Variants in HDAC4 observed in about 807,000 individuals in gnomAD.
The protein encoded by HDAC4 is histone deacetylase A.
Under a neutral mutation model 135.1 loss-of-function variants are expected in HDAC4, and 16 were observed. The ratio of observed to expected loss-of-function variants is 0.12; its 90% confidence interval spans 0.08 to 0.18. The LOEUF is 0.18. HDAC4 is among the 10% of genes least tolerant of loss of function. HDAC4 has a pLI of 1.00. For synonymous variants in HDAC4, 685 were observed against 653.4 expected (o/e 1.05, Z -0.74); for missense variants, 1,143 against 1,511.8 (o/e 0.76, Z 4.05).
chr2:239,056,253 C>T (rs1379969695), intron 24 of HDAC4, among the ~76,000 whole-genome samples: 3 of 152,224 alleles, frequency 2.0e-5, no homozygotes, highest in Admixed American at 6.5e-5. Flanking sequence ...TGAGTCAGCA[C>T]GAGCCTGGGT....
intron 5 of HDAC4, among the ~76,000 whole-genome samples, chr2:239,170,936 T>C (rs953066969): frequency 3.3e-5 from 5 of 152,186 alleles, no homozygotes; most frequent in African/African-American, 1.2e-4. Flanking sequence ...TGAGTAACGA[T>C]GGCCAGAAAT....
At chr2:239,061,218 G>GGT (rs897427863) in intron 24 of HDAC4, among the ~76,000 whole-genome samples, 1 of 152,120 alleles carries the variant, frequency 6.6e-6, no homozygotes, top group Non-Finnish European at 1.5e-5. Context: ...GTGCGTGTGT[G>GGT]GTGTGTGTGT....
intron 7 of HDAC4, among the ~76,000 whole-genome samples, chr2:239,156,429 G>A (rs2042428038): frequency 6.6e-6 from 1 of 152,258 alleles, no homozygotes; most frequent in Admixed American, 6.5e-5. Context: ...TGAGTGTTCA[G>A]CAGTGGTGTA....
chr2:239,342,955 T>C (rs1171128418), intron 2 of HDAC4, among the ~76,000 whole-genome samples: 1 of 152,192 alleles, frequency 6.6e-6, no homozygotes, highest in Non-Finnish European at 1.5e-5. Context: ...AGGCAGAATT[T>C]ATCTTTTCTA....
At chr2:239,359,767 G>A (rs901947808) in intron 1 of HDAC4, among the ~76,000 whole-genome samples, 12 of 152,280 alleles carry the variant, frequency 7.9e-5, no homozygotes, top group Admixed American at 3.9e-4. Flanking sequence ...TGGGAGCTGC[G>A]ATTTAGAGAG....
chr2:239,235,180 A>G (rs769264725), intron 3 of HDAC4, among the ~76,000 whole-genome samples: 3 of 151,760 alleles, frequency 2.0e-5, no homozygotes, highest in Non-Finnish European at 4.4e-5. Context: ...AAACAGACAG[A>G]AAGGAGCCCC....
chr2:239,268,144 G>A (rs964326726), intron 2 of HDAC4, among the ~76,000 whole-genome samples: 3 of 152,144 alleles, frequency 2.0e-5, no homozygotes, highest in Admixed American at 1.3e-4. Context: ...TCCCATTCTC[G>A]CTGCTGAGCT....
intron 1 of HDAC4, among the ~76,000 whole-genome samples, chr2:239,371,461 A>C (rs1402436776): frequency 5.3e-5 from 8 of 152,114 alleles, no homozygotes; most frequent in African/African-American, 1.9e-4. Flanking sequence ...GCACACTCAC[A>C]CCCAGGCACT....
chr2:239,338,332 C>T (rs1449406757), intron 2 of HDAC4, among the ~76,000 whole-genome samples: 1 of 152,118 alleles, frequency 6.6e-6, no homozygotes, highest in Non-Finnish European at 1.5e-5. Context: ...GCAGCGGCAG[C>T]CTCTACTCGT....
rs186813487 is a variant in HDAC4, at chr2:239,285,791, G to A, written c.23-49127C>T. 2.3e-3 allele frequency among the ~76,000 whole-genome samples: 354 copies of A among 152,212 alleles called. 4 individuals carry two copies. Among genetic ancestry groups the A allele is most frequent in the African/African-American group, 7.9e-3 (328 of 41,518 alleles). On this transcript the variant is annotated intron_variant, in intron 2 of 26. Transcript: ENST00000543185. This position sits in a 1 kb window ranked among gnomAD's most constrained non-coding sequence, Gnocchi z 4.5. ...AGCTGACAGGAGAGTTGAGGGCAGC[G>A]GGTGGAGGACTGCATGGGGGTCAGG...
intron 12 of HDAC4, among the ~76,000 whole-genome samples, chr2:239,120,767 G>A (rs1438268603): frequency 6.6e-6 from 1 of 151,936 alleles, no homozygotes; most frequent in East Asian, 1.9e-4. Flanking sequence ...AAGTGATGGA[G>A]GGCAGCAACC....
At chr2:239,390,838 A>C (rs1467293063) in intron 1 of HDAC4, among the ~76,000 whole-genome samples, 1 of 152,242 alleles carries the variant, frequency 6.6e-6, no homozygotes, top group Non-Finnish European at 1.5e-5. Context: ...CCTCTGACCA[A>C]GGCAGTGGGC....
chr2:239,222,520 G>T (rs1304256891), intron 3 of HDAC4, among the ~76,000 whole-genome samples: 3 of 122,498 alleles, frequency 2.4e-5, no homozygotes, highest in Non-Finnish European at 5.0e-5. Context: ...ATAGAACCAG[G>T]CCTTACCCCA....
chr2:239,302,772 G>A lies in HDAC4; in HGVS notation c.22+49906C>T, dbSNP rs7355652. 1.0e-2 allele frequency among the ~76,000 whole-genome samples: 1,523 copies of A among 152,332 alleles called. 28 individuals carry two copies. Among genetic ancestry groups the A allele is most frequent in the African/African-American group, 0.035 (1,443 of 41,574 alleles). ...GCGCACCCCTGCAGGAAGAACCATCGCTGCTCAAGGCAGTCATCTAAGAAC... is the reference window on the plus strand; with the variant it reads ...GCGCACCCCTGCAGGAAGAACCATCACTGCTCAAGGCAGTCATCTAAGAAC... On this transcript the variant is annotated intron_variant, in intron 2 of 26. Coordinates refer to ENST00000543185, the MANE Select transcript of HDAC4 (RefSeq NM_001378414.1).
At chr2:239,364,508 G>A (rs1337786621) in intron 1 of HDAC4, among the ~76,000 whole-genome samples, 1 of 152,212 alleles carries the variant, frequency 6.6e-6, no homozygotes, top group Non-Finnish European at 1.5e-5. Context: ...CATCCAGACA[G>A]GTTCCCCTGG....
At chr2:239,291,860 C>A (rs935877010) in intron 2 of HDAC4, among the ~76,000 whole-genome samples, 6 of 152,294 alleles carry the variant, frequency 3.9e-5, no homozygotes, top group Admixed American at 1.3e-4. Context: ...GCCTTCTCCC[C>A]GGGAGCCGCC....
intron 4 of HDAC4, among the ~76,000 whole-genome samples, chr2:239,188,958 A>C (rs992180658): frequency 6.6e-6 from 1 of 152,252 alleles, no homozygotes; most frequent in African/African-American, 2.4e-5. Flanking sequence ...TAACAACATA[A>C]TGGGAGACCC....
At chr2:239,190,589 G>C (rs1274322953) in intron 3 of HDAC4, among the ~76,000 whole-genome samples, 1 of 152,210 alleles carries the variant, frequency 6.6e-6, no homozygotes, top group Non-Finnish European at 1.5e-5. Flanking sequence ...CCCCAGAAGT[G>C]GTCCAGACAG....
chr2:239,319,449 G>A (rs1217346736), intron 2 of HDAC4, among the ~76,000 whole-genome samples: 1 of 152,248 alleles, frequency 6.6e-6, no homozygotes, highest in Non-Finnish European at 1.5e-5. Flanking sequence ...GCCAGGCGAG[G>A]GCCACCTCCC....
Sources: gnomAD v4.1 joint callset for allele counts (sites outside exome capture counted in the v4.1 genomes callset) on GRCh38, gnomAD v4.1.1 for gene constraint, Gnocchi (gnomAD v3.1) non-coding constraint, MANE v1.5 for transcripts, NCBI Gene and HGNC (gene_info 2026-07-23, HGNC 2026-07-21) for gene names.